Variants in CTNND2 observed in about 807,000 individuals in gnomAD.
The protein encoded by CTNND2 is catenin delta 2, also known as catenin delta-2.
A neutral mutation model predicts 144.4 loss-of-function variants in CTNND2; 22 were observed. The observed-to-expected ratio is 0.15, with a 90% CI of 0.11 to 0.22. The LOEUF is 0.22. Ranked by LOEUF, CTNND2 falls within the 10% of genes least tolerant of loss-of-function variation. The probability of loss-of-function intolerance (pLI) is 1.00; values close to 1 mark genes in which losing one functional copy is unlikely to be tolerated. For synonymous variants in CTNND2, 751 were observed against 695.6 expected (o/e 1.08, Z -1.25); for missense variants, 1,353 against 1,618.8 (o/e 0.84, Z 2.82).
chr5:11,146,028 G>C (rs1178277034), intron 12 of CTNND2, among the ~76,000 whole-genome samples: 1 of 152,156 alleles, frequency 6.6e-6, no homozygotes, highest in African/African-American at 2.4e-5. Flanking sequence ...TCTTCAGGTG[G>C]AGTCCATGGT....
At chr5:11,593,218 T>C (rs982417981) in intron 2 of CTNND2, among the ~76,000 whole-genome samples, 2 of 152,092 alleles carry the variant, frequency 1.3e-5, no homozygotes, top group African/African-American at 4.8e-5. Context: ...AGTTATAAAT[T>C]GGGCCATATT....
chr5:11,078,028 A>G (rs1312086868), intron 16 of CTNND2, among the ~76,000 whole-genome samples: 1 of 152,168 alleles, frequency 6.6e-6, no homozygotes, highest in Non-Finnish European at 1.5e-5. Context: ...CATCCAGTGG[A>G]GAGGATAGAG....
intron 12 of CTNND2, among the ~76,000 whole-genome samples, chr5:11,137,742 A>G (rs2149728905): frequency 6.6e-6 from 1 of 152,344 alleles, no homozygotes; most frequent in East Asian, 1.9e-4. Flanking sequence ...TATTTATGGA[A>G]TGTTTTCTTC....
intron 1 of CTNND2, among the ~76,000 whole-genome samples, chr5:11,877,400 T>A (rs1031542953): frequency 2.0e-5 from 3 of 152,166 alleles, no homozygotes; most frequent in Admixed American, 2.0e-4. Flanking sequence ...GGCATCCAGT[T>A]ATAAACAGTT....
At chr5:11,671,350 G>A (rs1267358642) in intron 2 of CTNND2, among the ~76,000 whole-genome samples, 3 of 152,064 alleles carry the variant, frequency 2.0e-5, no homozygotes, top group Non-Finnish European at 4.4e-5. Context: ...AAGTTCTCCT[G>A]GAAAATATCC....
At chr5:11,763,071 T>TG (rs1789367683) in intron 1 of CTNND2, among the ~76,000 whole-genome samples, 1 of 152,108 alleles carries the variant, frequency 6.6e-6, no homozygotes, top group Non-Finnish European at 1.5e-5. Flanking sequence ...TCATGAGACC[T>TG]GGTTGTTTAA....
intron 2 of CTNND2, among the ~76,000 whole-genome samples, chr5:11,604,507 C>T (rs958569371): frequency 2.0e-5 from 3 of 152,182 alleles, no homozygotes; most frequent in Non-Finnish European, 2.9e-5. Context: ...CGCACAGCTC[C>T]GCCTCCAAAG....
chr5:11,458,531 G>A (rs1029725338), intron 3 of CTNND2, among the ~76,000 whole-genome samples: 1 of 152,220 alleles, frequency 6.6e-6, no homozygotes, highest in African/African-American at 2.4e-5. Flanking sequence ...GGACGCTTTA[G>A]TGCCTGAGCA....
intron 10 of CTNND2, among the ~76,000 whole-genome samples, chr5:11,213,231 C>T (rs996486065): frequency 2.0e-5 from 3 of 152,008 alleles, no homozygotes; most frequent in Non-Finnish European, 2.9e-5. Flanking sequence ...GTGTTTAGCT[C>T]GGCCTCCACA....
intron 9 of CTNND2, among the ~76,000 whole-genome samples, chr5:11,346,080 C>T (rs904009371): frequency 2.0e-5 from 3 of 151,964 alleles, no homozygotes; most frequent in Non-Finnish European, 4.4e-5. Flanking sequence ...GCCTCCAGTC[C>T]CCAGTTTCCC....
chr5:11,156,430 C>T lies in CTNND2; in HGVS notation c.2159+3146G>A, dbSNP rs986890996. Among the ~76,000 whole-genome samples, 8 of 152,148 alleles carry T rather than the reference C, an allele frequency of 5.3e-5. No individual in the cohort carries two copies. The East Asian group carries it at 7.7e-4, about 15-fold the overall frequency. ...TAATGACCAGATGAATTTACTTTTA[C>T]CTACCACATGCTCCTTCTGCTGGAT... On this transcript the variant is annotated intron_variant, in intron 12 of 21. Coordinates refer to ENST00000304623, the MANE Select transcript of CTNND2 (RefSeq NM_001332.4).
intron 6 of CTNND2, among the ~76,000 whole-genome samples, chr5:11,393,198 T>C (rs1361202234): frequency 2.0e-5 from 3 of 152,254 alleles, no homozygotes; most frequent in Non-Finnish European, 2.9e-5. Context: ...ATTTTGTTTC[T>C]CAAAAAGTGT....
intron 1 of CTNND2, among the ~76,000 whole-genome samples, chr5:11,866,097 G>C (rs928280823): frequency 6.6e-6 from 1 of 152,040 alleles, no homozygotes; most frequent in African/African-American, 2.4e-5. Context: ...GAAGCCATTA[G>C]TTTGAGACCA....
At position 11,765,699 on chromosome 5, in the gene CTNND2, A is replaced by G. The variant is rs1040835354; in HGVS notation, c.38-33427T>C. Among the ~76,000 whole-genome samples, 54 of 152,258 alleles carry G rather than the reference A, an allele frequency of 3.5e-4. No homozygotes were observed. The Middle Eastern group carries it at 0.02, about 58-fold the overall frequency. ...TCTGTGTATGCAACAAGCTCAAATG[A>G]GATGTAGAGGAGGGGATAAATTGGA... On this transcript the variant is annotated intron_variant, in intron 1 of 21. Transcript: ENST00000304623.
chr5:11,532,203 C>T (rs549538737), intron 3 of CTNND2, among the ~76,000 whole-genome samples: 2 of 152,060 alleles, frequency 1.3e-5, no homozygotes, highest in African/African-American at 2.4e-5. Context: ...TTGGTTGTGA[C>T]TACACCACAG....
intron 2 of CTNND2, among the ~76,000 whole-genome samples, chr5:11,594,681 C>A (rs901900416): frequency 6.6e-6 from 1 of 152,028 alleles, no homozygotes; most frequent in African/African-American, 2.4e-5. Flanking sequence ...GGACAAAAAA[C>A]AAACAAATAT....
chr5:11,240,147 C>T (rs1000101730), intron 9 of CTNND2, among the ~76,000 whole-genome samples: 1 of 145,852 alleles, frequency 6.9e-6, no homozygotes, highest in Non-Finnish European at 1.5e-5. Context: ...ACCCAACACA[C>T]ACACACATTC....
At chr5:11,269,581 A>G (rs996115141) in intron 9 of CTNND2, among the ~76,000 whole-genome samples, 6 of 152,236 alleles carry the variant, frequency 3.9e-5, no homozygotes, top group African/African-American at 1.4e-4. Flanking sequence ...GAATGAACTG[A>G]CATAGATTGC....
intron 2 of CTNND2, among the ~76,000 whole-genome samples, chr5:11,661,421 T>C (rs1014583072): frequency 6.6e-6 from 1 of 152,184 alleles, no homozygotes; most frequent in African/African-American, 2.4e-5. Context: ...TCAGTTCTGT[T>C]ACTTTTTTAT....
Sources: gnomAD v4.1 joint callset for allele counts (sites outside exome capture counted in the v4.1 genomes callset) on GRCh38, gnomAD v4.1.1 for gene constraint, MANE v1.5 for transcripts, NCBI Gene and HGNC (gene_info 2026-07-23, HGNC 2026-07-21) for gene names.